The following COL24A1 variants were observed in gnomAD, a reference collection of about 807,000 sequenced individuals.
The protein encoded by COL24A1 is collagen type XXIV alpha 1 chain, also known as collagen alpha-1(XXIV) chain.
A neutral mutation model predicts 253.9 loss-of-function variants in COL24A1; 224 were observed. The ratio of observed to expected loss-of-function variants is 0.88; its 90% CI spans 0.79 to 0.99. COL24A1 has a LOEUF of 0.99. Among genes scored for constraint, COL24A1 ranks in the 50% least tolerant of loss-of-function variants. The pLI, the probability that COL24A1 is intolerant of heterozygous loss-of-function variation, is 0.00. For missense variants in COL24A1, 2,131 were observed against 2,068.5 expected (o/e 1.03, Z -0.59); for synonymous variants, 685 against 673.7 (o/e 1.02, Z -0.26).
At chr1:85,852,909 C>T (rs927143361) in intron 37 of COL24A1, among the ~76,000 whole-genome samples, 10 of 152,158 alleles carry the variant, frequency 6.6e-5, no homozygotes, top group African/African-American at 1.7e-4. Context: ...CTCAGCCTCT[C>T]GAGTTACTGG....
chr1:85,799,831 T>G (rs1237586523), intron 47 of COL24A1, among the ~76,000 whole-genome samples: 1 of 152,244 alleles, frequency 6.6e-6, no homozygotes, highest in Non-Finnish European at 1.5e-5. Flanking sequence ...TAACTTGTTC[T>G]GTGAAAATGC....
At chr1:85,777,979 T>C (rs1390065327) in intron 52 of COL24A1, among the ~76,000 whole-genome samples, 5 of 152,130 alleles carry the variant, frequency 3.3e-5, no homozygotes, top group Non-Finnish European at 7.4e-5. Context: ...ACTTTCTTTT[T>C]CAAACTATAA....
rs540822973 is a variant in COL24A1 at position 85,801,294 on chromosome 1, T to C, written c.3952-14833A>G. ...ACCACCCCTTCTCTATCTTGCAACT[T>C]GTCCTGCGAATCTGACTTTCAATGC... On this transcript the variant is annotated intron_variant, in intron 47 of 59. Transcript: ENST00000370571. Among the ~76,000 whole-genome samples the C allele has an allele frequency of 4.6e-5, 7 of 152,312 alleles. No homozygotes were observed. The East Asian group carries it at 1.4e-3, about 29-fold the overall frequency.
chr1:85,969,015 T>C (rs1691847711), intron 22 of COL24A1, among the ~76,000 whole-genome samples: 1 of 152,240 alleles, frequency 6.6e-6, no homozygotes, highest in Non-Finnish European at 1.5e-5. Context: ...TTCATATACT[T>C]ATAGCAATAC....
chr1:85,868,778 T>C lies in COL24A1; in HGVS notation c.3192+4A>G. 1 of 1,543,028 alleles carries C rather than the reference T, an allele frequency of 6.5e-7. No individual in the cohort carries two copies. The highest frequency in any genetic ancestry group is 1.2e-5 in the South Asian group (1 of 82,188). On this transcript the variant is annotated splice_donor_region_variant and intron_variant, in intron 36 of 59. Coordinates refer to ENST00000370571, the MANE Select transcript of COL24A1 (RefSeq NM_152890.7). ...TTATATATAATCTTAAAAGTATAAT[T>C]TACCTTTAACCCATCTTTTCCCTGG... is the stretch of plus-strand genomic sequence containing the variant.
chr1:86,141,037 G>A (rs948424995), intron 2 of COL24A1, among the ~76,000 whole-genome samples: 1 of 152,098 alleles, frequency 6.6e-6, no homozygotes, highest in Non-Finnish European at 1.5e-5. Flanking sequence ...TTACTCAAAT[G>A]AGAATAAGGA....
intron 32 of COL24A1, among the ~76,000 whole-genome samples, chr1:85,879,086 G>A (rs921229478): frequency 5.3e-5 from 8 of 152,082 alleles, no homozygotes; most frequent in Non-Finnish European, 8.8e-5. Flanking sequence ...AGATGTTAAT[G>A]AAGTCCAACT....
intron 12 of COL24A1, among the ~76,000 whole-genome samples, chr1:86,035,652 T>G (rs757643209): frequency 7.2e-5 from 11 of 152,116 alleles, no homozygotes; most frequent in Non-Finnish European, 1.5e-4. Context: ...TCAGATACTG[T>G]GATGGCTGCA....
At chr1:86,094,393 C>G (rs1319563076) in intron 5 of COL24A1, among the ~76,000 whole-genome samples, 1 of 151,978 alleles carries the variant, frequency 6.6e-6, no homozygotes, top group Non-Finnish European at 1.5e-5. Flanking sequence ...CACACAGGAA[C>G]AGAAAACCAA....
At chr1:86,099,011 C>G (rs1272600839) in intron 5 of COL24A1, among the ~76,000 whole-genome samples, 3 of 152,118 alleles carry the variant, frequency 2.0e-5, no homozygotes, top group Non-Finnish European at 2.9e-5. Context: ...AATACACAAT[C>G]TTTTGAAGTA....
intron 37 of COL24A1, among the ~76,000 whole-genome samples, chr1:85,865,980 T>C (rs534832754): frequency 1.1e-4 from 16 of 152,318 alleles, no homozygotes; most frequent in South Asian, 6.2e-4. Flanking sequence ...ATTTCTTTAA[T>C]GGCTGGGTGT....
chr1:85,912,803 C>A (rs1274884704), intron 24 of COL24A1, among the ~76,000 whole-genome samples: 1 of 152,086 alleles, frequency 6.6e-6, no homozygotes, highest in African/African-American at 2.4e-5. Flanking sequence ...TGCAAATTGA[C>A]ACATACTGTA....
chr1:86,129,425 T>C (rs1371360135), intron 2 of COL24A1, among the ~76,000 whole-genome samples: 1 of 151,700 alleles, frequency 6.6e-6, no homozygotes, highest in African/African-American at 2.4e-5. Context: ...TTTTAGAATT[T>C]ATCTTTATTA....
chr1:86,034,041 C>T (rs1698805510), intron 12 of COL24A1, 118 bp from the exon 13 acceptor site: 2 of 665,658 alleles, frequency 3.0e-6, no homozygotes, highest in Non-Finnish European at 4.7e-6. Flanking sequence ...AACTGTAATG[C>T]AACAAACATT....
rs566674506 is a variant in COL24A1, at chr1:85,763,229, C to A, written c.4375-1663G>T. 5.3e-5 allele frequency among the ~76,000 whole-genome samples: 8 copies of A among 151,826 alleles called. No individual in the cohort carries two copies. The East Asian group carries it at 1.4e-3, about 26-fold the overall frequency. ...CTCAGGAGTTTGAGACCAGCCTGGG[C>A]AACATAGTGAAACCCCATCTCTACT... is the stretch of plus-strand genomic sequence containing the variant. On this transcript the variant is annotated intron_variant, in intron 53 of 59. Coordinates refer to ENST00000370571, the MANE Select transcript of COL24A1 (RefSeq NM_152890.7).
intron 23 of COL24A1, among the ~76,000 whole-genome samples, chr1:85,961,804 G>C (rs1005472248): frequency 3.9e-5 from 6 of 152,126 alleles, no homozygotes; most frequent in Non-Finnish European, 8.8e-5. Flanking sequence ...AAAGGGTGAA[G>C]TGCCACACAC....
chr1:86,108,620 T>TAAAAAAAAAAAAAAAAAAAAA (rs55852463), intron 5 of COL24A1, among the ~76,000 whole-genome samples: 3 of 83,102 alleles, frequency 3.6e-5, no homozygotes, highest in African/African-American at 1.5e-4. Flanking sequence ...CCATCTCTAC[T>TAAAAAAAAAAAAAAAAAAAAA]AAAAAAAAAA....
chr1:86,023,210 C>T (rs1697721951), intron 14 of COL24A1, among the ~76,000 whole-genome samples: 1 of 152,242 alleles, frequency 6.6e-6, no homozygotes, highest in Middle Eastern at 3.4e-3. Context: ...CATCATTTTT[C>T]TGAAACCTTT....
rs774343568 is a variant in COL24A1 at position 86,022,407 on chromosome 1, GT to G, written c.2203-115del. The stretch of plus-strand genomic sequence containing the variant: ...AGTATGCTAAAATATTGAGACAAAA[GT>G]TTCAAACAAGAACTTAAAACCATAT... On this transcript the variant is annotated intron_variant, in intron 17 of 59. Coordinates refer to ENST00000370571, the MANE Select transcript of COL24A1 (RefSeq NM_152890.7). 2.0e-5 allele frequency: 27 copies of G among 1,367,624 alleles called. 1 individual carries two copies. Among genetic ancestry groups the G allele is most frequent in the East Asian group, 1.4e-4 (6 of 42,564 alleles). 84.7% of individuals were successfully genotyped at this position (1,367,624 alleles called of 1,614,324 possible).
Sources: allele counts gnomAD v4.1 joint callset (sites outside exome capture counted in the v4.1 genomes callset), GRCh38; gene constraint gnomAD v4.1.1; transcripts MANE v1.5; gene names NCBI Gene and HGNC (gene_info 2026-07-23, HGNC 2026-07-21).